Variants in CNTN6 observed in about 807,000 individuals in gnomAD.
The protein encoded by CNTN6 is contactin-6.
In CNTN6, 137 loss-of-function variants were observed where a neutral mutation model predicts 122.8. The observed-to-expected ratio is 1.12, with a 90% confidence interval of 0.97 to 1.29. The LOEUF is 1.29. Ranked by LOEUF, CNTN6 falls within the 50% of genes most tolerant of loss-of-function variation. The pLI, the probability that CNTN6 is intolerant of heterozygous loss-of-function variation, is 0.00. For synonymous variants in CNTN6, 570 were observed against 426.0 expected (o/e 1.34, Z -4.16); for missense variants, 1,634 against 1,223.4 (o/e 1.34, Z -5.01).
At chr3:1,102,525 T>C (rs911258858) in intron 1 of CNTN6, among the ~76,000 whole-genome samples, 3 of 151,060 alleles carry the variant, frequency 2.0e-5, no homozygotes, top group South Asian at 2.1e-4. Flanking sequence ...GGTCAGGAGA[T>C]CGAGACCATC....
intron 1 of CNTN6, among the ~76,000 whole-genome samples, chr3:1,135,798 G>A (rs1156603855): frequency 1.3e-5 from 2 of 152,062 alleles, no homozygotes; most frequent in South Asian, 4.1e-4. Context: ...TTCAAGACCT[G>A]CCTGACCAAC....
intron 2 of CNTN6, among the ~76,000 whole-genome samples, chr3:1,170,005 C>T (rs751800206): frequency 6.6e-6 from 1 of 151,882 alleles, no homozygotes; most frequent in African/African-American, 2.4e-5. Flanking sequence ...GAGGCCGAGG[C>T]GGGCGGATCA....
At chr3:1,377,133 A>G (rs1709984851) in intron 17 of CNTN6, 58 bp downstream of exon 17, 1 of 1,176,184 alleles carries the variant, frequency 8.5e-7, no homozygotes, top group Admixed American at 2.1e-5. Flanking sequence ...GGCCAGAAAG[A>G]AACTGAAAAA....
chr3:1,230,195 A>G (rs2125561536), intron 4 of CNTN6, among the ~76,000 whole-genome samples: 1 of 152,328 alleles, frequency 6.6e-6, no homozygotes, highest in African/African-American at 2.4e-5. Context: ...CACAGCAGAT[A>G]AATGCTGAGA....
At chr3:1,231,677 A>G (rs2094353980) in intron 4 of CNTN6, among the ~76,000 whole-genome samples, 1 of 152,234 alleles carries the variant, frequency 6.6e-6, no homozygotes, top group Non-Finnish European at 1.5e-5. Context: ...CAAGTCATTC[A>G]GTTCTCTGGA....
chr3:1,303,457 G>A (rs1181055266), intron 7 of CNTN6, among the ~76,000 whole-genome samples: 4 of 152,106 alleles, frequency 2.6e-5, no homozygotes, highest in Non-Finnish European at 5.9e-5. Flanking sequence ...TCTAGCTGTG[G>A]TATCAGAGGT....
chr3:1,139,011 C>A (rs1016786832), intron 1 of CNTN6, among the ~76,000 whole-genome samples: 4 of 152,090 alleles, frequency 2.6e-5, no homozygotes, highest in African/African-American at 9.7e-5. Flanking sequence ...CCACTAGAAA[C>A]TTCTCTCTAG....
intron 10 of CNTN6, 38 bp downstream of exon 10, chr3:1,327,624 C>A (rs372760799): frequency 3.1e-6 from 5 of 1,597,332 alleles, no homozygotes; most frequent in South Asian, 2.2e-5. Context: ...TTCAAAATGA[C>A]GTTTTAACAA....
At chr3:1,198,984 G>A (rs2093820170) in intron 2 of CNTN6, among the ~76,000 whole-genome samples, 1 of 152,116 alleles carries the variant, frequency 6.6e-6, no homozygotes, top group East Asian at 1.9e-4. Flanking sequence ...GTGACGTGAA[G>A]ATGGAGACAG....
chr3:1,135,884 C>T (rs1015270926), intron 1 of CNTN6, among the ~76,000 whole-genome samples: 4 of 152,002 alleles, frequency 2.6e-5, no homozygotes, highest in Non-Finnish European at 5.9e-5. Context: ...CCCAGCTACT[C>T]GGGAGGCTAA....
intron 7 of CNTN6, among the ~76,000 whole-genome samples, chr3:1,302,276 T>C (rs1047332296): frequency 1.3e-5 from 2 of 152,164 alleles, no homozygotes; most frequent in Non-Finnish European, 2.9e-5. Context: ...GGACTCCCTT[T>C]TACTAATCCT....
intron 1 of CNTN6, among the ~76,000 whole-genome samples, chr3:1,098,792 A>ATG (rs2090689962): frequency 1.2e-5 from 1 of 85,314 alleles, no homozygotes; most frequent in African/African-American, 1.8e-4. Context: ...ACACACACAT[A>ATG]TATATATATA....
chr3:1,220,687 G>A lies in CNTN6; in HGVS notation c.56G>A (p.Gly19Asp), dbSNP rs1292255697. ...ILLPLINSSA[G>D]DGLLSRPIFT... ...GTGATTTATTCTTTTCTTTTCCCAG[G>A]TGATGGTCTTTTAAGCCGTCCTATT... The change falls in exon 3 of 23, where the codon GGT (glycine) becomes GAT (aspartate). Residue 19 changes from glycine (G) to aspartate (D), a missense_variant and splice_region_variant. Gly to Asp is a moderately conservative substitution (Grantham distance 94). Coordinates refer to ENST00000446702, the MANE Select transcript of CNTN6 (RefSeq NM_001289080.2). 4.4e-6 allele frequency: 7 copies of A among 1,602,850 alleles called. No individual in the cohort carries two copies. Among genetic ancestry groups the A allele is most frequent in the East Asian group, 2.2e-5 (1 of 44,720 alleles).
intron 1 of CNTN6, among the ~76,000 whole-genome samples, chr3:1,144,606 A>AAG (rs2092685305): frequency 7.2e-6 from 1 of 139,460 alleles, no homozygotes; most frequent in Admixed American, 7.1e-5. Context: ...AAAAATAAAA[A>AAG]ATAAAAAAAG....
intron 5 of CNTN6, among the ~76,000 whole-genome samples, chr3:1,293,574 G>T (rs536426057): frequency 1.3e-5 from 2 of 152,044 alleles, no homozygotes; most frequent in East Asian, 1.9e-4. Flanking sequence ...TCTTGCTTCC[G>T]TGCCAGTTTT....
intron 1 of CNTN6, among the ~76,000 whole-genome samples, chr3:1,140,171 A>G (rs2092576254): frequency 6.6e-6 from 1 of 152,220 alleles, no homozygotes; most frequent in Non-Finnish European, 1.5e-5. Context: ...GAAAGTCAAC[A>G]CTACAAATCC....
chr3:1,393,555 T>TAAAAAAA (rs572632140), intron 20 of CNTN6, among the ~76,000 whole-genome samples: 3 of 107,916 alleles, frequency 2.8e-5, no homozygotes, highest in East Asian at 2.5e-4. Context: ...CTTAAAGAAG[T>TAAAAAAA]AAAAAAAAAA....
chr3:1,212,537 A>C (rs778023585), intron 2 of CNTN6, among the ~76,000 whole-genome samples: 2 of 150,908 alleles, frequency 1.3e-5, no homozygotes, highest in Non-Finnish European at 2.9e-5. Flanking sequence ...ATATATATAC[A>C]CACACACATA....
chr3:1,169,569 A>T (rs1343297314), intron 2 of CNTN6, among the ~76,000 whole-genome samples: 1 of 152,250 alleles, frequency 6.6e-6, no homozygotes, highest in Non-Finnish European at 1.5e-5. Flanking sequence ...TTTATGGTCA[A>T]GTTTCAGAGC....
Sources: gnomAD v4.1 joint callset for allele counts (sites outside exome capture counted in the v4.1 genomes callset) on GRCh38, gnomAD v4.1.1 for gene constraint, MANE v1.5 for transcripts, NCBI Gene and HGNC (gene_info 2026-07-23, HGNC 2026-07-21) for gene names.